Variants in STK33 observed in about 807,000 individuals in gnomAD.
STK33 encodes serine/threonine-protein kinase 33.
In STK33, 52 loss-of-function variants were observed where a neutral mutation model predicts 58.0. That is an observed-to-expected ratio of 0.90 (90% confidence interval 0.72 to 1.13). The LOEUF is 1.13. Ranked by LOEUF, STK33 falls within the 50% of genes most tolerant of loss-of-function variation. STK33 has a pLI of 0.00. For synonymous variants in STK33, 215 were observed against 200.1 expected (o/e 1.07, Z -0.63); for missense variants, 630 against 604.2 (o/e 1.04, Z -0.45).
the STK33 span, among the ~76,000 whole-genome samples, chr11:8,346,876 T>C: frequency 6.6e-6 from 1 of 152,198 alleles, no homozygotes; most frequent in Non-Finnish European, 1.5e-5. Context: ...TCAGAGAGAA[T>C]TGAGTTTGGC....
chr11:8,527,478 G>T (rs932367668), intron 1 of STK33, among the ~76,000 whole-genome samples: 2 of 145,180 alleles, frequency 1.4e-5, no homozygotes, highest in South Asian at 2.2e-4. Context: ...GTGAGTTTTT[G>T]TTTTTTTTTT....
chr11:8,534,742 T>C (rs1954859565), intron 1 of STK33, among the ~76,000 whole-genome samples: 1 of 152,048 alleles, frequency 6.6e-6, no homozygotes, highest in Non-Finnish European at 1.5e-5. Context: ...CCAGTGGGCA[T>C]TATACTGTTT....
intron 1 of STK33, among the ~76,000 whole-genome samples, chr11:8,489,550 T>G (rs996709389): frequency 2.0e-5 from 3 of 151,856 alleles, no homozygotes; most frequent in Non-Finnish European, 4.4e-5. Flanking sequence ...CAAGAGAGAG[T>G]GAGGAAACCA....
chr11:8,573,835 T>C (rs1354384837), intron 1 of STK33, among the ~76,000 whole-genome samples: 2 of 152,226 alleles, frequency 1.3e-5, no homozygotes, highest in African/African-American at 4.8e-5. Context: ...TTACATACTG[T>C]ATGATTCCAT....
chr11:8,475,248 G>C (rs997811887), intron 4 of STK33, 182 bp from the exon 5 acceptor site: 1 of 188,614 alleles, frequency 5.3e-6, no homozygotes, highest in Non-Finnish European at 1.1e-5. Context: ...CTGCGTAGTG[G>C]GTTATGAAAT....
intron 6 of STK33, 143 bp downstream of exon 6, chr11:8,473,019 AT>A: frequency 1.8e-6 from 1 of 549,218 alleles, no homozygotes; most frequent in Non-Finnish European, 3.2e-6. Context: ...TTTAGTAAAA[AT>A]GTTAACATAC....
At chr11:8,461,590 C>G (rs1419553638) in intron 8 of STK33, among the ~76,000 whole-genome samples, 2 of 152,118 alleles carry the variant, frequency 1.3e-5, no homozygotes, top group Non-Finnish European at 2.9e-5. Context: ...ACATGCCACC[C>G]AGAACATATT....
At chr11:8,472,449 A>G (rs948342884) in intron 6 of STK33, among the ~76,000 whole-genome samples, 1 of 152,164 alleles carries the variant, frequency 6.6e-6, no homozygotes, top group Non-Finnish European at 1.5e-5. Flanking sequence ...TAATTTCAAT[A>G]TTTTTGTGTA....
At chr11:8,337,159 A>C in the STK33 span, among the ~76,000 whole-genome samples, 1 of 152,226 alleles carries the variant, frequency 6.6e-6, no homozygotes, top group East Asian at 1.9e-4. Context: ...CTTCCTAAGC[A>C]GGCTGATCCT....
At chr11:8,453,101 A>T (rs756769273) in intron 10 of STK33, among the ~76,000 whole-genome samples, 195 bp from the exon 11 acceptor site, 3 of 152,340 alleles carry the variant, frequency 2.0e-5, no homozygotes, top group East Asian at 1.9e-4. Context: ...AACTGGGTAA[A>T]GAGAAGCTTG....
chr11:8,588,083 CA>C (rs2032005972), intron 1 of STK33, among the ~76,000 whole-genome samples: 1 of 152,264 alleles, frequency 6.6e-6, no homozygotes, highest in South Asian at 2.1e-4. Context: ...TGGTAGAGAA[CA>C]GAGAGCACTC....
intron 15 of STK33, among the ~76,000 whole-genome samples, chr11:8,395,762 C>T (rs893943748): frequency 6.6e-6 from 1 of 152,170 alleles, no homozygotes; most frequent in Non-Finnish European, 1.5e-5. Context: ...GCACATTTTG[C>T]ACATGACATT....
intron 1 of STK33, among the ~76,000 whole-genome samples, chr11:8,563,807 A>G (rs1957270309): frequency 6.6e-6 from 1 of 152,204 alleles, no homozygotes; most frequent in African/African-American, 2.4e-5. Context: ...AGAGTAACAC[A>G]AGCAGTGACC....
the STK33 span, among the ~76,000 whole-genome samples, chr11:8,335,100 C>T: frequency 5.3e-5 from 8 of 152,306 alleles, no homozygotes; most frequent in African/African-American, 9.6e-5. Flanking sequence ...ATCAGGTGCG[C>T]GGAGGAATGA....
chr11:8,382,327 T>C, the STK33 span, among the ~76,000 whole-genome samples: 128 of 152,290 alleles, frequency 8.4e-4, no homozygotes, highest in African/African-American at 3.0e-3. Context: ...TGATGGTAGC[T>C]GGGGAGCAGA....
rs557942165 is a variant in STK33, at chr11:8,542,270, G to A, written c.-466+51813C>T. On this transcript the variant is annotated intron_variant, in intron 1 of 15. Coordinates refer to ENST00000687296, the MANE Select transcript of STK33 (RefSeq NM_001352389.2). The stretch of plus-strand genomic sequence containing the variant: ...TGTGGCTAGTTCCACATGTCATTAC[G>A]AAACCTAAGTCAATTTTCAGATAGG... 1.8e-3 allele frequency among the ~76,000 whole-genome samples: 278 copies of A among 152,010 alleles called. 2 individuals are homozygous for A. The highest frequency in any genetic ancestry group is 3.0e-3 in the Admixed American group (46 of 15,256).
At chr11:8,392,762 A>G in intron 15 of STK33, 52 bp from the exon 16 acceptor site, 1 of 1,584,126 alleles carries the variant, frequency 6.3e-7, no homozygotes, top group South Asian at 1.1e-5. Context: ...ATGCACATCA[A>G]TTCAAAGATG....
chr11:8,522,644 A>C (rs996272162), intron 1 of STK33, among the ~76,000 whole-genome samples: 1 of 152,210 alleles, frequency 6.6e-6, no homozygotes, highest in South Asian at 2.1e-4. Flanking sequence ...ACATGCAATA[A>C]AAGCAAAAAT....
At chr11:8,395,511 T>C (rs111511190) in intron 15 of STK33, among the ~76,000 whole-genome samples, 1 of 152,222 alleles carries the variant, frequency 6.6e-6, no homozygotes, top group Non-Finnish European at 1.5e-5. Flanking sequence ...AATACATTCA[T>C]CTACTGACAT....
Sources: allele counts gnomAD v4.1 joint callset (sites outside exome capture counted in the v4.1 genomes callset), GRCh38; gene constraint gnomAD v4.1.1; transcripts MANE v1.5; gene names NCBI Gene and HGNC (gene_info 2026-07-23, HGNC 2026-07-21).